MTMR12: variants seen among roughly 807,000 people sequenced by gnomAD.
MTMR12 encodes myotubularin-related protein 12.
A neutral mutation model predicts 96.7 loss-of-function variants in MTMR12; 33 were observed. The observed-to-expected ratio is 0.34, with a 90% CI of 0.26 to 0.46. The LOEUF (loss-of-function observed/expected upper bound fraction) is 0.46, where lower values mean the gene tolerates loss of function less well. Ranked by LOEUF, MTMR12 falls within the 20% of genes least tolerant of loss-of-function variation. The probability of loss-of-function intolerance (pLI) is 1.00; values close to 1 mark genes in which losing one functional copy is unlikely to be tolerated. For synonymous variants in MTMR12, 298 were observed against 327.2 expected (o/e 0.91, Z 0.96); for missense variants, 721 against 896.1 (o/e 0.80, Z 2.49).
Position 32,312,391 on chromosome 5 carries a change from G to A in MTMR12, c.81+367C>T, listed in dbSNP as rs564025974. On this transcript the variant is annotated intron_variant, in intron 1 of 15. Coordinates refer to ENST00000382142, the MANE Select transcript of MTMR12 (RefSeq NM_001040446.3). This position sits in a 1 kb window ranked among gnomAD's most constrained non-coding sequence, Gnocchi z 5.0. Reference sequence around the variant, plus strand: ...GGCAGGACGGACCCACGCGGGCTCCGAGCAGGCCCCGTTGGGGGCTCCGAC... The same window carrying A: ...GGCAGGACGGACCCACGCGGGCTCCAAGCAGGCCCCGTTGGGGGCTCCGAC... 2.0e-5 allele frequency among the ~76,000 whole-genome samples: 3 copies of A among 152,194 alleles called. No homozygotes were observed. Among genetic ancestry groups the A allele is most frequent in the Non-Finnish European group, 4.4e-5 (3 of 68,016 alleles).
At chr5:32,246,824 G>C (rs1335989722) in intron 10 of MTMR12, among the ~76,000 whole-genome samples, 1 of 151,924 alleles carries the variant, frequency 6.6e-6, no homozygotes. Context: ...GCTCTAATAG[G>C]GCCTGTTTTC....
At chr5:32,281,243 A>G (rs1750279224) in intron 1 of MTMR12, among the ~76,000 whole-genome samples, 1 of 135,080 alleles carries the variant, frequency 7.4e-6, no homozygotes, top group African/African-American at 2.9e-5. Context: ...AGGAGACTCT[A>G]TCATTAAAAA....
chr5:32,251,149 G>A (rs1053880683), intron 8 of MTMR12, among the ~76,000 whole-genome samples: 3 of 147,394 alleles, frequency 2.0e-5, no homozygotes, highest in East Asian at 2.0e-4. Flanking sequence ...TCCGCCTCCC[G>A]GGTTCACGCC....
chr5:32,274,540 G>A (rs1454267001), intron 2 of MTMR12, among the ~76,000 whole-genome samples: 3 of 152,132 alleles, frequency 2.0e-5, no homozygotes, highest in African/African-American at 7.2e-5. Context: ...AAAAAACGCA[G>A]ATCCCAAGCC....
At chr5:32,297,827 A>C (rs1750985306) in intron 1 of MTMR12, among the ~76,000 whole-genome samples, 1 of 152,232 alleles carries the variant, frequency 6.6e-6, no homozygotes, top group South Asian at 2.1e-4. Flanking sequence ...CAGATCCCAC[A>C]GACCTGATCT....
At chr5:32,298,717 G>A (rs1018341361) in intron 1 of MTMR12, among the ~76,000 whole-genome samples, 1 of 152,024 alleles carries the variant, frequency 6.6e-6, no homozygotes, top group South Asian at 2.1e-4. Flanking sequence ...GGGAGGCAGA[G>A]GCGGGCGGAT....
intron 1 of MTMR12, among the ~76,000 whole-genome samples, chr5:32,287,461 G>A (rs1412928093): frequency 6.6e-6 from 1 of 152,148 alleles, no homozygotes; most frequent in Non-Finnish European, 1.5e-5. Flanking sequence ...GGCTCTCCTT[G>A]CTCCTCAAGC....
intron 5 of MTMR12, 104 bp from the exon 6 acceptor site, chr5:32,268,898 C>A: frequency 1.2e-6 from 1 of 808,930 alleles, no homozygotes; most frequent in South Asian, 1.5e-5. Flanking sequence ...CAAAGGGGTT[C>A]CAATGGACAA....
At chr5:32,247,916 AG>A in intron 10 of MTMR12, 85 bp downstream of exon 10, 3 of 1,531,016 alleles carry the variant, frequency 2.0e-6, no homozygotes, top group Non-Finnish European at 2.7e-6. Flanking sequence ...TAAGGAACCC[AG>A]GGAAAAGGCA....
At chr5:32,281,230 A>G (rs1451836324) in intron 1 of MTMR12, among the ~76,000 whole-genome samples, 1 of 149,358 alleles carries the variant, frequency 6.7e-6, no homozygotes, top group African/African-American at 2.5e-5. Context: ...CCTGGGCAAC[A>G]GAAGGAGACT....
At chr5:32,250,703 G>A (rs993001692) in intron 8 of MTMR12, among the ~76,000 whole-genome samples, 2 of 152,182 alleles carry the variant, frequency 1.3e-5, no homozygotes, top group African/African-American at 4.8e-5. Context: ...GAGCAGAAGG[G>A]CAGAAAGCAT....
At position 32,228,536 on chromosome 5, in the gene MTMR12, TATATATATCATATATATGTG is replaced by T; in HGVS notation, c.*1222_*1241del. ...AAAAAAATATATATCATATATATGA[TATATATATCATATATATGTG>T]ATATATATATATCATATATATATCA... On this transcript the variant is annotated 3_prime_UTR_variant, in exon 16 of 16. Transcript: ENST00000382142. 1 of 140,398 alleles carries T rather than the reference TATATATATCATATATATGTG, an allele frequency of 7.1e-6. No individual in the cohort carries two copies. The highest frequency in any genetic ancestry group is 1.5e-5 in the Non-Finnish European group (1 of 66,184). 8.7% of individuals were successfully genotyped at this position (140,398 alleles called of 1,614,324 possible).
intron 14 of MTMR12, 155 bp downstream of exon 14, chr5:32,234,807 G>GC (rs1748144525): frequency 1.7e-6 from 1 of 602,552 alleles, no homozygotes; most frequent in Non-Finnish European, 2.8e-6. Flanking sequence ...TCATCCTCTC[G>GC]CAGGGGCCAT....
chr5:32,231,592 C>T (rs980152434), intron 15 of MTMR12, among the ~76,000 whole-genome samples: 8 of 152,088 alleles, frequency 5.3e-5, no homozygotes, highest in Admixed American at 5.2e-4. Context: ...ATGGTTCTTC[C>T]TTGTAAAAAG....
At chr5:32,302,503 G>C (rs1751191869) in intron 1 of MTMR12, among the ~76,000 whole-genome samples, 1 of 152,140 alleles carries the variant, frequency 6.6e-6, no homozygotes, top group Non-Finnish European at 1.5e-5. Flanking sequence ...TAGATCACAA[G>C]GTCAGGAGTT....
chr5:32,268,083 G>A (rs1403515632), intron 6 of MTMR12, among the ~76,000 whole-genome samples: 2 of 152,044 alleles, frequency 1.3e-5, no homozygotes, highest in Non-Finnish European at 2.9e-5. Context: ...CACCCACCTC[G>A]GCTTCCTGAA....
At chr5:32,309,175 T>A (rs1024908212) in intron 1 of MTMR12, among the ~76,000 whole-genome samples, 1 of 152,208 alleles carries the variant, frequency 6.6e-6, no homozygotes, top group Non-Finnish European at 1.5e-5. Context: ...AATTACAACA[T>A]GTGCACTTGG....
chr5:32,270,055 C>A (rs1749772904), intron 5 of MTMR12, among the ~76,000 whole-genome samples: 1 of 152,098 alleles, frequency 6.6e-6, no homozygotes, highest in African/African-American at 2.4e-5. Flanking sequence ...CTCACTGCAG[C>A]CAAGACAGTA....
chr5:32,242,142 G>C lies in MTMR12; in HGVS notation c.1101-15C>G, dbSNP rs577882571. 1.3e-6 allele frequency: 2 copies of C among 1,599,448 alleles called. No homozygotes were observed. The highest frequency in any genetic ancestry group is 1.7e-5 in the Admixed American group (1 of 59,582). ...TCAGGCAACGTCTGAATAGGAAAGA[G>C]ACAAGAAAAAGGGGCATTAGTTCAT... On this transcript the variant is annotated splice_polypyrimidine_tract_variant and intron_variant, in intron 11 of 15. Coordinates refer to ENST00000382142, the MANE Select transcript of MTMR12 (RefSeq NM_001040446.3).
Sources: allele counts gnomAD v4.1 joint callset (sites outside exome capture counted in the v4.1 genomes callset), GRCh38; gene constraint gnomAD v4.1.1; non-coding constraint Gnocchi (gnomAD v3.1); transcripts MANE v1.5; gene names NCBI Gene and HGNC (gene_info 2026-07-23, HGNC 2026-07-21).